Variants in ARHGAP26 observed in about 807,000 individuals in gnomAD.
ARHGAP26 encodes rho GTPase-activating protein 26.
A neutral mutation model predicts 104.8 loss-of-function variants in ARHGAP26; 38 were observed. That is an observed-to-expected ratio of 0.36 (90% CI 0.28 to 0.48). ARHGAP26 has a LOEUF of 0.48. ARHGAP26 is among the 20% of genes least tolerant of loss of function. ARHGAP26 has a pLI of 0.99. For synonymous variants in ARHGAP26, 341 were observed against 340.0 expected (o/e 1.00, Z -0.03); for missense variants, 704 against 947.9 (o/e 0.74, Z 3.38).
chr5:142,790,398 G>A (rs369323726), intron 1 of ARHGAP26, among the ~76,000 whole-genome samples: 4 of 152,218 alleles, frequency 2.6e-5, no homozygotes, highest in African/African-American at 9.6e-5. Context: ...TCCTGTTTTT[G>A]TAGGCAGAAT....
intron 1 of ARHGAP26, among the ~76,000 whole-genome samples, chr5:142,828,904 G>A (rs1314976922): frequency 6.6e-6 from 1 of 152,196 alleles, no homozygotes; most frequent in Non-Finnish European, 1.5e-5. Context: ...TCCTCCAGCA[G>A]CCTGACCCTG....
intron 17 of ARHGAP26, among the ~76,000 whole-genome samples, chr5:143,083,597 C>G (rs1454315660): frequency 6.6e-6 from 1 of 152,162 alleles, no homozygotes; most frequent in Non-Finnish European, 1.5e-5. Context: ...CTCCTGGGTT[C>G]AAGCGATGCT....
At chr5:143,118,055 T>C (rs915647520) in intron 17 of ARHGAP26, among the ~76,000 whole-genome samples, 3 of 152,212 alleles carry the variant, frequency 2.0e-5, no homozygotes, top group Admixed American at 6.5e-5. Flanking sequence ...ACTTCTGCCT[T>C]CACTGGGTAT....
chr5:142,981,450 T>G (rs975258037), intron 11 of ARHGAP26, among the ~76,000 whole-genome samples: 2 of 152,152 alleles, frequency 1.3e-5, no homozygotes, highest in Non-Finnish European at 1.5e-5. Flanking sequence ...TCTTGAGCCA[T>G]GCAGGCACCT....
intron 1 of ARHGAP26, chr5:142,859,860 C>T (rs1753008676): frequency 6.6e-6 from 1 of 152,252 alleles, no homozygotes; most frequent in African/African-American, 2.4e-5. Flanking sequence ...TGATAGGGTT[C>T]CTGGGCCGTT....
chr5:142,900,947 A>T (rs952154965), intron 6 of ARHGAP26, among the ~76,000 whole-genome samples: 1 of 152,148 alleles, frequency 6.6e-6, no homozygotes. Flanking sequence ...GTGCTTTGTG[A>T]TAGAGGTGAG....
intron 1 of ARHGAP26, among the ~76,000 whole-genome samples, chr5:142,836,996 A>G (rs966643091): frequency 5.3e-5 from 8 of 152,312 alleles, no homozygotes; most frequent in South Asian, 2.1e-4. Context: ...GACTTACCCC[A>G]TTGATGTGTC....
intron 11 of ARHGAP26, among the ~76,000 whole-genome samples, chr5:142,939,051 T>C (rs148655831): frequency 1.3e-4 from 20 of 152,296 alleles, no homozygotes; most frequent in Non-Finnish European, 2.1e-4. Flanking sequence ...TAGCCAGATA[T>C]TGGCAATTTC....
intron 17 of ARHGAP26, among the ~76,000 whole-genome samples, chr5:143,104,051 A>C (rs888096366): frequency 1.3e-5 from 2 of 151,888 alleles, no homozygotes; most frequent in African/African-American, 4.8e-5. Flanking sequence ...GAGAAATGAA[A>C]CTTAAGATAA....
intron 2 of ARHGAP26, among the ~76,000 whole-genome samples, 170 bp downstream of exon 2, chr5:142,873,665 C>G (rs1021684792): frequency 3.9e-5 from 6 of 152,176 alleles, no homozygotes; most frequent in African/African-American, 1.4e-4. Context: ...TGGGGCTACT[C>G]TGGTCTTCTC....
chr5:143,156,567 A>G (rs1246988305), intron 20 of ARHGAP26, among the ~76,000 whole-genome samples: 2 of 152,176 alleles, frequency 1.3e-5, no homozygotes, highest in Admixed American at 6.6e-5. Flanking sequence ...TGTTTTACCA[A>G]ACCCTGCAGA....
intron 20 of ARHGAP26, among the ~76,000 whole-genome samples, chr5:143,168,223 A>T (rs1802276563): frequency 6.6e-6 from 1 of 152,138 alleles, no homozygotes. Flanking sequence ...CTGTAATATT[A>T]CAATTGTTTT....
intron 11 of ARHGAP26, among the ~76,000 whole-genome samples, chr5:142,960,267 A>C (rs1769995740): frequency 6.6e-6 from 1 of 152,258 alleles, no homozygotes; most frequent in African/African-American, 2.4e-5. Context: ...TGACAAAAGA[A>C]GTTAAGTTCT....
intron 4 of ARHGAP26, among the ~76,000 whole-genome samples, chr5:142,885,007 AAG>A (rs1325356735): frequency 2.6e-5 from 4 of 152,180 alleles, no homozygotes; most frequent in African/African-American, 9.7e-5. Flanking sequence ...GTGAGTTAGA[AAG>A]TAGAAATTTC....
intron 1 of ARHGAP26, among the ~76,000 whole-genome samples, chr5:142,872,486 G>A (rs1755462377): frequency 6.6e-6 from 1 of 152,196 alleles, no homozygotes; most frequent in African/African-American, 2.4e-5. Flanking sequence ...TCTGCAGGAA[G>A]ACTGCACATG....
Position 143,095,918 on chromosome 5 carries a change from C to T in ARHGAP26, c.1539-25070C>T, listed in dbSNP as rs138915071. On this transcript the variant is annotated intron_variant, in intron 17 of 22. Coordinates refer to ENST00000645722, the MANE Select transcript of ARHGAP26 (RefSeq NM_001135608.3). ...ATCTATTGTCATACAAAAATCAGTC[C>T]TAGCATATGCATATAGTCGGAAAAG... is the stretch of plus-strand genomic sequence containing the variant. Among the ~76,000 whole-genome samples the T allele has an allele frequency of 3.3e-5, 5 of 152,316 alleles. No homozygotes were observed. The East Asian group carries it at 9.6e-4, about 29-fold the overall frequency.
intron 1 of ARHGAP26, among the ~76,000 whole-genome samples, chr5:142,822,234 G>C (rs1343543417): frequency 7.1e-6 from 1 of 140,906 alleles, no homozygotes; most frequent in Non-Finnish European, 1.5e-5. Context: ...GGGCAGTTTA[G>C]TCTTAATTTG....
intron 1 of ARHGAP26, among the ~76,000 whole-genome samples, chr5:142,832,567 A>G (rs1305459098): frequency 6.6e-6 from 1 of 152,264 alleles, no homozygotes; most frequent in Non-Finnish European, 1.5e-5. Flanking sequence ...TAATACAAAT[A>G]ACAAACACTT....
intron 11 of ARHGAP26, among the ~76,000 whole-genome samples, chr5:142,949,214 AGAGAGAGGAGAGAGAGAGG>A (rs1767850797): frequency 1.6e-5 from 1 of 63,170 alleles, no homozygotes; most frequent in African/African-American, 1.3e-4. Flanking sequence ...AGAGAGAGAG[AGAGAGAGGAGAGAGAGAGG>A]AGAGAGAGAG....
Sources: gnomAD v4.1 joint callset for allele counts (sites outside exome capture counted in the v4.1 genomes callset) on GRCh38, gnomAD v4.1.1 for gene constraint, MANE v1.5 for transcripts, NCBI Gene and HGNC (gene_info 2026-07-23, HGNC 2026-07-21) for gene names.